Variants in GRID2 observed in about 807,000 individuals in gnomAD.
The protein encoded by GRID2 is glutamate receptor ionotropic, delta-2.
Under a neutral mutation model 114.8 loss-of-function variants are expected in GRID2, and 33 were observed. That is an observed-to-expected ratio of 0.29 (90% confidence interval 0.22 to 0.38). The LOEUF (loss-of-function observed/expected upper bound fraction) is 0.38. GRID2 is among the 10% of genes least tolerant of loss of function. The pLI, the probability that GRID2 is intolerant of heterozygous loss-of-function variation, is 1.00. For missense variants in GRID2, 1,184 were observed against 1,257.7 expected (o/e 0.94, Z 0.89); for synonymous variants, 505 against 449.9 (o/e 1.12, Z -1.55).
intron 8 of GRID2, among the ~76,000 whole-genome samples, chr4:93,245,551 G>A (rs1397776971): frequency 6.6e-6 from 1 of 152,168 alleles, no homozygotes; most frequent in African/African-American, 2.4e-5. Context: ...ACCCATAAAA[G>A]TACAAGTTTA....
chr4:92,778,095 C>T (rs1738893754), intron 2 of GRID2, among the ~76,000 whole-genome samples: 1 of 152,052 alleles, frequency 6.6e-6, no homozygotes, highest in Non-Finnish European at 1.5e-5. Context: ...CAGAGGACTG[C>T]CCTACATGCT....
At chr4:93,560,589 A>G (rs993765006) in intron 13 of GRID2, among the ~76,000 whole-genome samples, 2 of 152,150 alleles carry the variant, frequency 1.3e-5, no homozygotes, top group Admixed American at 1.3e-4. Flanking sequence ...ACTGGGGATA[A>G]TATTTTATTG....
chr4:93,508,042 G>T (rs1728804173), intron 12 of GRID2, among the ~76,000 whole-genome samples: 1 of 151,946 alleles, frequency 6.6e-6, no homozygotes, highest in Non-Finnish European at 1.5e-5. Flanking sequence ...AGCATTAGGA[G>T]ATATACCTAA....
At chr4:93,568,947 G>A (rs559030781) in intron 13 of GRID2, among the ~76,000 whole-genome samples, 1 of 152,224 alleles carries the variant, frequency 6.6e-6, no homozygotes, top group Admixed American at 6.5e-5. Flanking sequence ...CCCTGCGCAA[G>A]ATTTACTTCC....
chr4:93,140,484 A>G (rs927573974), intron 4 of GRID2, among the ~76,000 whole-genome samples: 1 of 152,084 alleles, frequency 6.6e-6, no homozygotes, highest in Non-Finnish European at 1.5e-5. Flanking sequence ...TTTTATGGAC[A>G]GTTGGCATTT....
chr4:93,616,864 G>A (rs1289815169), intron 13 of GRID2, among the ~76,000 whole-genome samples: 1 of 148,796 alleles, frequency 6.7e-6, no homozygotes, highest in East Asian at 2.0e-4. Flanking sequence ...GCGTGGTGGT[G>A]GGCGCCTGTA....
chr4:92,500,937 A>G (rs1291172058), intron 1 of GRID2, among the ~76,000 whole-genome samples: 1 of 152,090 alleles, frequency 6.6e-6, no homozygotes, highest in Non-Finnish European at 1.5e-5. Context: ...TCTAAGATTC[A>G]TTCATGTTCT....
chr4:93,626,568 AAGAT>A, intron 14 of GRID2, 133 bp downstream of exon 14: 1 of 581,756 alleles, frequency 1.7e-6, no homozygotes, highest in East Asian at 2.9e-5. Flanking sequence ...AACAACAAAA[AAGAT>A]AGTTATAAGT....
chr4:93,108,038 G>A (rs1357813784), intron 3 of GRID2, among the ~76,000 whole-genome samples: 3 of 152,176 alleles, frequency 2.0e-5, no homozygotes, highest in African/African-American at 7.2e-5. Context: ...GTCTCCTATA[G>A]ATTTTTGATC....
intron 1 of GRID2, among the ~76,000 whole-genome samples, chr4:92,466,280 T>G (rs1721747572): frequency 6.6e-6 from 1 of 151,908 alleles, no homozygotes; most frequent in Non-Finnish European, 1.5e-5. Flanking sequence ...TATATTAATG[T>G]TCACTATAGT....
chr4:92,983,041 T>A (rs186871485), intron 2 of GRID2, among the ~76,000 whole-genome samples: 1 of 152,128 alleles, frequency 6.6e-6, no homozygotes, highest in African/African-American at 2.4e-5. Context: ...CTACCGTCAA[T>A]CAGAGATAGG....
At chr4:93,095,706 G>A (rs1426190890) in intron 3 of GRID2, among the ~76,000 whole-genome samples, 1 of 151,812 alleles carries the variant, frequency 6.6e-6, no homozygotes, top group East Asian at 1.9e-4. Flanking sequence ...AATTTTGCAA[G>A]ACATTTACGC....
chr4:93,389,963 A>G (rs189995004), intron 8 of GRID2, among the ~76,000 whole-genome samples: 4 of 151,896 alleles, frequency 2.6e-5, no homozygotes, highest in Non-Finnish European at 5.9e-5. Flanking sequence ...TGATTTTTGT[A>G]TTTTTAGTAG....
intron 2 of GRID2, among the ~76,000 whole-genome samples, chr4:92,684,709 G>A (rs980646980): frequency 6.6e-6 from 1 of 152,042 alleles, no homozygotes; most frequent in Non-Finnish European, 1.5e-5. Context: ...CACATTACCT[G>A]AAGGTATTTG....
intron 4 of GRID2, among the ~76,000 whole-genome samples, chr4:93,115,751 A>G (rs551628435): frequency 2.0e-5 from 3 of 152,244 alleles, no homozygotes; most frequent in South Asian, 2.1e-4. Flanking sequence ...GAGCCAATCC[A>G]AAGGGGAAAC....
At chr4:93,538,833 A>T (rs1732366745) in intron 13 of GRID2, among the ~76,000 whole-genome samples, 1 of 151,848 alleles carries the variant, frequency 6.6e-6, no homozygotes, top group Non-Finnish European at 1.5e-5. Context: ...CTAACAAGAC[A>T]TAACAACTAA....
intron 9 of GRID2, among the ~76,000 whole-genome samples, chr4:93,414,361 A>C (rs1767495836): frequency 6.6e-6 from 1 of 151,998 alleles, no homozygotes; most frequent in Non-Finnish European, 1.5e-5. Context: ...CTGGCTTCCT[A>C]TCTTAGTCAA....
chr4:92,948,963 C>G (rs2149131053), intron 2 of GRID2, among the ~76,000 whole-genome samples: 1 of 151,772 alleles, frequency 6.6e-6, no homozygotes, highest in East Asian at 1.9e-4. Flanking sequence ...CCAGTCAACT[C>G]ATTACTAAAT....
At chr4:92,744,453 A>G (rs1337522718) in intron 2 of GRID2, among the ~76,000 whole-genome samples, 2 of 149,650 alleles carry the variant, frequency 1.3e-5, no homozygotes, top group African/African-American at 4.9e-5. Context: ...ACGCTACTGC[A>G]CTCCAGTCTG....
Sources: gnomAD v4.1 joint callset for allele counts (sites outside exome capture counted in the v4.1 genomes callset) on GRCh38, gnomAD v4.1.1 for gene constraint, MANE v1.5 for transcripts, NCBI Gene and HGNC (gene_info 2026-07-23, HGNC 2026-07-21) for gene names.